Variants in DNAJA1 observed in about 807,000 individuals in gnomAD.
DNAJA1 encodes DnaJ heat shock protein family (Hsp40) member A1.
DNAJA1 carries 26 observed loss-of-function variants against 47.6 expected under a neutral mutation model. The observed-to-expected ratio is 0.55, with a 90% confidence interval of 0.40 to 0.76. DNAJA1 has a LOEUF of 0.76. Ranked by LOEUF, DNAJA1 falls within the 30% of genes least tolerant of loss-of-function variation. The pLI is 0.00. For synonymous variants in DNAJA1, 165 were observed against 158.4 expected (o/e 1.04, Z -0.31); for missense variants, 315 against 485.0 (o/e 0.65, Z 3.29).
chr9:33,031,245 C>T (rs182590401), intron 5 of DNAJA1, among the ~76,000 whole-genome samples: 1 of 152,092 alleles, frequency 6.6e-6, no homozygotes, highest in South Asian at 2.1e-4. Flanking sequence ...TACAGGCACC[C>T]AGCACCATGC....
chr9:33,035,598 T>C (rs1003370790), intron 6 of DNAJA1, among the ~76,000 whole-genome samples: 6 of 152,008 alleles, frequency 3.9e-5, no homozygotes, highest in African/African-American at 1.2e-4. Context: ...GCCTCCCGAG[T>C]AGCTGGGATT....
At chr9:33,026,780 A>G (rs1157618876) in intron 2 of DNAJA1, 33 bp from the exon 3 acceptor site, 4 of 1,600,854 alleles carry the variant, frequency 2.5e-6, no homozygotes, top group Admixed American at 3.6e-5. Flanking sequence ...TTGTTTTTTA[A>G]AAAATGAAAT....
At chr9:33,035,293 C>T (rs1418981761) in intron 6 of DNAJA1, among the ~76,000 whole-genome samples, 2 of 151,538 alleles carry the variant, frequency 1.3e-5, no homozygotes, top group Non-Finnish European at 2.9e-5. Context: ...ACACAGGAGG[C>T]AGAGGTCGCG....
intron 8 of DNAJA1, among the ~76,000 whole-genome samples, chr9:33,038,114 C>T (rs1388394247): frequency 2.0e-5 from 3 of 151,748 alleles, no homozygotes; most frequent in African/African-American, 7.3e-5. Flanking sequence ...AAGCAGTTCT[C>T]CTGCCTCAGC....
intron 3 of DNAJA1, among the ~76,000 whole-genome samples, chr9:33,028,693 T>A (rs936197861): frequency 3.9e-5 from 6 of 152,192 alleles, no homozygotes; most frequent in African/African-American, 1.4e-4. Flanking sequence ...GGCAAGCTCT[T>A]TTATGTGGCT....
chr9:33,028,329 C>T (rs1838907672), intron 3 of DNAJA1, among the ~76,000 whole-genome samples: 1 of 152,244 alleles, frequency 6.6e-6, no homozygotes, highest in South Asian at 2.1e-4. Flanking sequence ...GGCCTATGGG[C>T]TCTAGAAATA....
In DNAJA1 at chr9:33,027,005, G is replaced by C. The variant is rs774310814; in HGVS notation, c.310+15G>C. ...AGAAAGGAGAGGTAAGAAGAATCTA[G>C]TCTTTGTGCAGCTAACTAAAGTTAG... On this transcript the variant is annotated intron_variant, in intron 3 of 8. Coordinates refer to ENST00000330899, the MANE Select transcript of DNAJA1 (RefSeq NM_001539.4). 1 of 1,613,912 alleles carries C rather than the reference G, an allele frequency of 6.2e-7. No homozygotes were observed. Among genetic ancestry groups the C allele is most frequent in the South Asian group, 1.1e-5 (1 of 91,054 alleles).
chr9:33,029,387 C>T (rs1838926194), intron 3 of DNAJA1, among the ~76,000 whole-genome samples: 3 of 152,220 alleles, frequency 2.0e-5, no homozygotes, highest in South Asian at 4.1e-4. Flanking sequence ...GAAATTGATA[C>T]TCTTCTGTGG....
Position 33,038,573 on chromosome 9 carries a change from A to G in DNAJA1, c.976-112A>G, listed in dbSNP as rs1839069469. 4 of 946,198 alleles carry G rather than the reference A, an allele frequency of 4.2e-6. No individual in the cohort carries two copies. The Admixed American group carries it at 7.9e-5, about 19-fold the overall frequency. The allele number at this position is 946,198 out of a possible 1,614,324, so 58.6% of individuals were successfully genotyped here. A position where few individuals can be genotyped will look rare whatever the true frequency, so the allele number is the denominator to read the frequency against. On this transcript the variant is annotated intron_variant, in intron 8 of 8. Coordinates refer to ENST00000330899, the MANE Select transcript of DNAJA1 (RefSeq NM_001539.4). The stretch of plus-strand genomic sequence containing the variant: ...GCCTGTTCTAACCTGAGATTGGCAG[A>G]TTCACCTAAATATTACGTGTTTACA...
rs769521508 is a variant in DNAJA1 at position 33,038,921 on chromosome 9, C to T, written c.*18C>T. ...CCTCTTAATGGGCCAGTGAATAACA[C>T]TCACTGCTGGCATTTAATGTGCAGT... is the stretch of plus-strand genomic sequence containing the variant. On this transcript the variant is annotated 3_prime_UTR_variant, in exon 9 of 9. Transcript: ENST00000330899. 5 of 1,588,122 alleles carry T rather than the reference C, an allele frequency of 3.1e-6. No individual in the cohort carries two copies. Among genetic ancestry groups the T allele is most frequent in the South Asian group, 2.2e-5 (2 of 89,348 alleles).
chr9:33,038,660 T>C (rs925938396), intron 8 of DNAJA1, 25 bp from the exon 9 acceptor site: 1 of 1,605,442 alleles, frequency 6.2e-7, no homozygotes, highest in South Asian at 1.1e-5. Flanking sequence ...GAAATCAGAT[T>C]GAACAGTGAA....
intron 2 of DNAJA1, 80 bp downstream of exon 2, chr9:33,026,696 G>C: frequency 6.4e-7 from 1 of 1,563,358 alleles, no homozygotes; most frequent in South Asian, 1.2e-5. Context: ...CTGAAATCGA[G>C]TATCTAATAT....
At chr9:33,031,388 C>T (rs961132182) in intron 5 of DNAJA1, among the ~76,000 whole-genome samples, 5 of 152,130 alleles carry the variant, frequency 3.3e-5, no homozygotes. Flanking sequence ...TGAGCTACCG[C>T]ACCCCGCCTC....
chr9:33,030,487 G>C lies in DNAJA1; in HGVS notation c.463G>C (p.Gly155Arg). The change falls in exon 5 of 9, where the codon GGT becomes CGT. Residue 155 changes from glycine to arginine, a missense_variant. Gly to Arg is a moderately radical substitution (Grantham distance 125). Around this residue, in one of 4 missense-constraint regions of DNAJA1, gnomAD observed 8 missense variants for 43.4 expected, o/e 0.18. Transcript: ENST00000330899. The part of the protein sequence containing the change: ...GAVECCPNCR[G>R]TGMQIRIHQI... ...AGTAGAGTGCTGTCCCAATTGCCGA[G>C]GTACTGGAATGCAAATAAGAATTCA... 1 of 1,613,810 alleles carries C rather than the reference G, an allele frequency of 6.2e-7. No individual in the cohort carries two copies.
Position 33,038,987 on chromosome 9 carries a change from C to G in DNAJA1, c.*84C>G, listed in dbSNP as rs1386719761. 7.9e-7 allele frequency: 1 copy of G among 1,258,682 alleles called. No individual in the cohort carries two copies. Among genetic ancestry groups the G allele is most frequent in the Admixed American group, 2.2e-5 (1 of 45,906 alleles). 78.0% of individuals were successfully genotyped at this position (1,258,682 alleles called of 1,614,324 possible). ...GACTGTAATCATAATATGCTCACTACTTGCTCTTGTTTTTGTTTTAATAAA... is the reference window on the plus strand; with the variant it reads ...GACTGTAATCATAATATGCTCACTAGTTGCTCTTGTTTTTGTTTTAATAAA... On this transcript the variant is annotated 3_prime_UTR_variant, in exon 9 of 9. Transcript: ENST00000330899.
At position 33,034,126 on chromosome 9, in the gene DNAJA1, A is replaced by G. The variant is rs1024442052; in HGVS notation, c.644-90A>G. 6 of 844,886 alleles carry G rather than the reference A, an allele frequency of 7.1e-6. No homozygotes were observed. In the African/African-American group the frequency reaches 1.1e-4, roughly 15 times the overall value. 52.3% of individuals were successfully genotyped at this position (844,886 alleles called of 1,614,324 possible). A position where few individuals can be genotyped will look rare whatever the true frequency, so the allele number is the denominator to read the frequency against. ...TTTCTTAGTCATTTCTGTGATTTTT[A>G]TGCATAAACAAACATCTATGTATAG... On this transcript the variant is annotated intron_variant, in intron 5 of 8. Transcript: ENST00000330899.
chr9:33,038,857 A>G lies in DNAJA1; in HGVS notation c.1148A>G (p.Asp383Gly), dbSNP rs2119400080. The G allele has an allele frequency of 6.2e-7, 1 of 1,613,916 alleles. No individual in the cohort carries two copies. Among genetic ancestry groups the G allele is most frequent in the Admixed American group, 1.7e-5 (1 of 60,018 alleles). ...CACTACAATGGAGAAGCATATGAGGATGATGAACATCATCCCAGAGGTGGT... is the reference window on the plus strand; with the variant it reads ...CACTACAATGGAGAAGCATATGAGGGTGATGAACATCATCCCAGAGGTGGT... ...RRHYNGEAYE[D>G]DEHHPRGGVQ... The change falls in exon 9 of 9, where the codon GAT becomes GGT. Residue 383 changes from aspartate to glycine, a missense_variant. Around this residue, in one of 4 missense-constraint regions of DNAJA1, gnomAD observed 162 missense variants for 185.4 expected, o/e 0.87. Coordinates refer to ENST00000330899, the MANE Select transcript of DNAJA1 (RefSeq NM_001539.4).
intron 8 of DNAJA1, among the ~76,000 whole-genome samples, chr9:33,037,648 C>T (rs528273455): frequency 6.6e-6 from 1 of 152,108 alleles, no homozygotes; most frequent in Non-Finnish European, 1.5e-5. Flanking sequence ...TGTCACTGTA[C>T]TTCAACCTGG....
At position 33,030,687 on chromosome 9, in the gene DNAJA1, T is replaced by A. The variant is rs374236433; in HGVS notation, c.643+20T>A. 43 of 1,582,508 alleles carry A rather than the reference T, an allele frequency of 2.7e-5. No individual in the cohort carries two copies. In the African/African-American group the frequency reaches 4.8e-4, roughly 18 times the overall value. On this transcript the variant is annotated intron_variant, in intron 5 of 8. Transcript: ENST00000330899. Reference sequence around the variant, plus strand: ...ACAAAGGTGAGTTCTGAGTTACTTATTCTGAAGTCTTGAATGCTGTGGCAG... The same window carrying A: ...ACAAAGGTGAGTTCTGAGTTACTTAATCTGAAGTCTTGAATGCTGTGGCAG...
Sources: allele counts gnomAD v4.1 joint callset (sites outside exome capture counted in the v4.1 genomes callset), GRCh38; gene constraint gnomAD v4.1.1; regional missense constraint gnomAD v4.1.1; transcripts MANE v1.5; gene names NCBI Gene and HGNC (gene_info 2026-07-23, HGNC 2026-07-21).